The following SDK1 variants were observed in gnomAD, a reference collection of about 807,000 sequenced individuals.
SDK1 encodes the protein sidekick cell adhesion molecule 1.
Under a neutral mutation model 245.5 loss-of-function variants are expected in SDK1, and 157 were observed. The observed-to-expected ratio is 0.64, with a 90% CI of 0.56 to 0.73. The LOEUF (loss-of-function observed/expected upper bound fraction) is 0.73, where lower values mean the gene tolerates loss of function less well. Ranked by LOEUF, SDK1 falls within the 30% of genes least tolerant of loss-of-function variation. The pLI, the probability that SDK1 is intolerant of heterozygous loss-of-function variation, is 0.00. For missense variants in SDK1, 3,583 were observed against 3,002.3 expected, an observed-to-expected ratio of 1.19 and a Z score of -4.52; for synonymous variants, 1,647 against 1,278.5, an observed-to-expected ratio of 1.29 and a Z score of -6.15.
intron 16 of SDK1, 137 bp from the exon 17 acceptor site, chr7:4,017,034 T>A: frequency 1.4e-6 from 1 of 709,120 alleles, no homozygotes; most frequent in South Asian, 3.6e-5. Context: ...GAAATAGTAT[T>A]GTTTAGGGCT....
intron 1 of SDK1, among the ~76,000 whole-genome samples, chr7:3,360,241 C>G (rs1052826718): frequency 1.3e-5 from 2 of 152,174 alleles, no homozygotes. Context: ...TAGCCCCAGC[C>G]AAATACCTGA....
At chr7:3,382,202 C>G (rs1301615593) in intron 1 of SDK1, among the ~76,000 whole-genome samples, 1 of 151,818 alleles carries the variant, frequency 6.6e-6, no homozygotes, top group Non-Finnish European at 1.5e-5. Flanking sequence ...AACTCCTGGG[C>G]TCAAGTGATC....
chr7:3,518,293 A>G (rs1480277865), intron 1 of SDK1, among the ~76,000 whole-genome samples: 2 of 152,110 alleles, frequency 1.3e-5, no homozygotes, highest in Non-Finnish European at 2.9e-5. Context: ...AAATAATTTT[A>G]TGAATAATAT....
At chr7:4,102,581 A>G (rs554700159) in intron 22 of SDK1, among the ~76,000 whole-genome samples, 1 of 152,116 alleles carries the variant, frequency 6.6e-6, no homozygotes, top group Admixed American at 6.6e-5. Context: ...GATGAGGTTA[A>G]TGACTCTCCT....
chr7:3,869,779 A>C (rs1041452570), intron 5 of SDK1, among the ~76,000 whole-genome samples: 8 of 152,250 alleles, frequency 5.3e-5, no homozygotes, highest in South Asian at 2.1e-4. Flanking sequence ...CTTACTACTC[A>C]GCAAAAAGGA....
At chr7:3,988,046 A>C (rs536366757) in intron 14 of SDK1, among the ~76,000 whole-genome samples, 1 of 148,270 alleles carries the variant, frequency 6.7e-6, no homozygotes, top group Admixed American at 6.8e-5. Flanking sequence ...AGGATCACTT[A>C]TGGGGCCCAG....
At chr7:3,587,600 A>G (rs1373655505) in intron 1 of SDK1, among the ~76,000 whole-genome samples, 1 of 152,210 alleles carries the variant, frequency 6.6e-6, no homozygotes, top group Non-Finnish European at 1.5e-5. Context: ...TTCAGCCCCC[A>G]ATGGACTGGA....
intron 4 of SDK1, among the ~76,000 whole-genome samples, chr7:3,769,906 G>C (rs893405726): frequency 1.3e-5 from 2 of 151,178 alleles, no homozygotes; most frequent in African/African-American, 4.9e-5. Flanking sequence ...CAAACACTCA[G>C]ATTTTCTCAG....
intron 5 of SDK1, among the ~76,000 whole-genome samples, chr7:3,937,306 C>T (rs954142245): frequency 6.6e-6 from 1 of 152,176 alleles, no homozygotes; most frequent in Non-Finnish European, 1.5e-5. Context: ...GATGAAAATG[C>T]CTGTGCTCAT....
At chr7:3,411,667 G>C (rs892368600) in intron 1 of SDK1, among the ~76,000 whole-genome samples, 1 of 152,060 alleles carries the variant, frequency 6.6e-6, no homozygotes, top group African/African-American at 2.4e-5. Context: ...ACCTGAAAAA[G>C]CTCCCTATTA....
At chr7:3,574,056 G>A (rs193298934) in intron 1 of SDK1, among the ~76,000 whole-genome samples, 1 of 152,014 alleles carries the variant, frequency 6.6e-6, no homozygotes, top group African/African-American at 2.4e-5. Context: ...ATTTGTAGCT[G>A]AGGATAGACT....
chr7:3,681,976 A>G (rs920182055), intron 4 of SDK1, among the ~76,000 whole-genome samples: 1 of 152,234 alleles, frequency 6.6e-6, no homozygotes, highest in East Asian at 1.9e-4. Flanking sequence ...AGAGCATAAC[A>G]TAATCAAATG....
At chr7:4,103,921 G>A (rs974335409) in intron 22 of SDK1, among the ~76,000 whole-genome samples, 10 of 152,258 alleles carry the variant, frequency 6.6e-5, no homozygotes, top group African/African-American at 2.4e-4. Context: ...TCCGCAGTTC[G>A]GCTGCAAAAG....
At chr7:3,752,506 A>C (rs1034653387) in intron 4 of SDK1, among the ~76,000 whole-genome samples, 1 of 152,210 alleles carries the variant, frequency 6.6e-6, no homozygotes, top group Non-Finnish European at 1.5e-5. Flanking sequence ...AAAAACTTTA[A>C]ACTCTTGGTC....
rs149029482 is a variant in SDK1 at position 3,330,803 on chromosome 7, C to T, written c.298+28919C>T. The stretch of plus-strand genomic sequence containing the variant: ...TGTGGGCAACATAACAAAACCATTT[C>T]GCTTAAAAAAAAAAAAAAAAAAAAA... On this transcript the variant is annotated intron_variant, in intron 1 of 44. Coordinates refer to ENST00000404826, the MANE Select transcript of SDK1 (RefSeq NM_152744.4). Among the ~76,000 whole-genome samples, 741 of 112,384 alleles carry T rather than the reference C, an allele frequency of 6.6e-3. 4 individuals carry two copies. The highest frequency in any genetic ancestry group is 0.014 in the Admixed American group (137 of 9,744). The allele number at this position is 112,384 out of a possible 152,430, so 73.7% of individuals were successfully genotyped here.
At chr7:3,375,071 A>C (rs916290735) in intron 1 of SDK1, among the ~76,000 whole-genome samples, 4 of 152,186 alleles carry the variant, frequency 2.6e-5, no homozygotes, top group African/African-American at 9.7e-5. Flanking sequence ...ATAACGTTTT[A>C]CATGTTTAAT....
chr7:3,458,874 T>A (rs559284548), intron 1 of SDK1, among the ~76,000 whole-genome samples: 42 of 152,298 alleles, frequency 2.8e-4, no homozygotes, highest in African/African-American at 1.0e-3. Flanking sequence ...TTACCGTAGT[T>A]TTACAAATAG....
At chr7:3,757,126 C>G (rs1289860826) in intron 4 of SDK1, among the ~76,000 whole-genome samples, 2 of 152,072 alleles carry the variant, frequency 1.3e-5, no homozygotes, top group African/African-American at 2.4e-5. Context: ...TAGCACAGAC[C>G]CCACACATTG....
At chr7:3,521,234 C>T (rs1432796879) in intron 1 of SDK1, among the ~76,000 whole-genome samples, 1 of 152,150 alleles carries the variant, frequency 6.6e-6, no homozygotes, top group East Asian at 1.9e-4. Flanking sequence ...TCTTTTACTT[C>T]CCTTCTGCTA....
Sources: gnomAD v4.1 joint callset for allele counts (sites outside exome capture counted in the v4.1 genomes callset) on GRCh38, gnomAD v4.1.1 for gene constraint, MANE v1.5 for transcripts, NCBI Gene and HGNC (gene_info 2026-07-23, HGNC 2026-07-21) for gene names.